The following ZNF599 variants were observed in gnomAD, a reference collection of about 807,000 sequenced individuals.
The protein encoded by ZNF599 is zinc finger protein 599.
A neutral mutation model predicts 11.7 loss-of-function variants in ZNF599; 10 were observed. The observed-to-expected ratio is 0.86, with a 90% CI of 0.53 to 1.45. The LOEUF (loss-of-function observed/expected upper bound fraction) is 1.45, where lower values mean the gene tolerates loss of function less well. Among genes scored for constraint, ZNF599 ranks in the 40% most tolerant of loss-of-function variants. ZNF599 has a pLI of 0.00. For synonymous variants in ZNF599, 232 were observed against 253.2 expected, an observed-to-expected ratio of 0.92 and a Z score of 0.79; for missense variants, 688 against 713.6, an observed-to-expected ratio of 0.96 and a Z score of 0.41.
At chr19:34,765,434 A>G (rs1355917203) in intron 3 of ZNF599, 1 of 628,914 alleles carries the variant, frequency 1.6e-6, no homozygotes, top group African/African-American at 1.8e-5. Flanking sequence ...GCCTGAGAGG[A>G]CCCAGCTAAG....
At chr19:34,787,219 TATCATCATCATCATCATCATCATC>T in the ZNF599 span, among the ~76,000 whole-genome samples, 2 of 148,532 alleles carry the variant, frequency 1.3e-5, no homozygotes, top group African/African-American at 2.5e-5. Context: ...CGGCTATTTT[TATCATCATCATCATCATCATCATC>T]ATCATCATCA....
chr19:34,776,208 G>A (rs925440762), upstream of ZNF599, among the ~76,000 whole-genome samples: 2 of 152,164 alleles, frequency 1.3e-5, no homozygotes, highest in Admixed American at 6.5e-5. Flanking sequence ...AAATGTAAAT[G>A]TAACTTTAAT....
At chr19:34,779,629 G>A in the ZNF599 span, 5 of 346,406 alleles carry the variant, frequency 1.4e-5, no homozygotes, top group Non-Finnish European at 2.3e-5. Flanking sequence ...CTTAGGAGAT[G>A]CACTCATAAG....
rs755990170 is a variant in ZNF599 at position 34,760,357 on chromosome 19, C to T, written c.444G>A (p.Glu148=). The part of the protein sequence containing the change: ...GTNPHKEICP[E]KLSYKHDDLE... The stretch of plus-strand genomic sequence containing the variant: ...AATCATCATGTTTATAACTCAACTT[C>T]TCAGGGCATATCTCTTTGTGGGGGT... The change falls in exon 4 of 4, where the codon GAG becomes GAA. Residue 148 remains glutamate, a synonymous_variant. Transcript: ENST00000329285. 12 of 1,614,056 alleles carry T rather than the reference C, an allele frequency of 7.4e-6. No individual in the cohort carries two copies. The South Asian group carries it at 1.2e-4, about 16-fold the overall frequency.
Position 34,759,778 on chromosome 19 carries a change from G to A in ZNF599, c.1023C>T (p.Cys341=), listed in dbSNP as rs146331204. The A allele has an allele frequency of 3.8e-5, 61 of 1,613,930 alleles. No homozygotes were observed. The Admixed American group carries it at 5.0e-4, about 13-fold the overall frequency. ...GCGTGAAGGCCTTTCCACATTCACC[G>A]CACTCATAGAGTTTCTTTCCAGTAT... The part of the protein sequence containing the change: ...RIHTGKKLYE[C]GECGKAFTHR... Residue 341 remains cysteine (C), a synonymous_variant, in exon 4 of 4, where the codon TGC becomes TGT. Transcript: ENST00000329285.
intron 3 of ZNF599, among the ~76,000 whole-genome samples, chr19:34,766,389 C>T (rs568197097): frequency 2.0e-5 from 3 of 152,234 alleles, no homozygotes; most frequent in Admixed American, 6.5e-5. Context: ...ATGGATGGAT[C>T]AATAAATGAC....
chr19:34,797,660 G>A, the ZNF599 span, among the ~76,000 whole-genome samples: 8 of 152,210 alleles, frequency 5.3e-5, no homozygotes, highest in Non-Finnish European at 2.9e-5. Flanking sequence ...ACAGTATACA[G>A]AGATAAGAAT....
At chr19:34,786,252 A>G in the ZNF599 span, among the ~76,000 whole-genome samples, 1 of 151,828 alleles carries the variant, frequency 6.6e-6, no homozygotes, top group African/African-American at 2.4e-5. Flanking sequence ...ATCCCCCCTT[A>G]CCTCTGACAT....
chr19:34,759,082 G>A lies in ZNF599; in HGVS notation c.1719C>T (p.Ser573=), dbSNP rs146790551. The A allele has an allele frequency of 1.3e-4, 206 of 1,613,962 alleles. No individual in the cohort carries two copies. The highest frequency in any genetic ancestry group is 1.1e-4 in the East Asian group (5 of 44,872). The change falls in exon 4 of 4, where the codon AGC becomes AGT. Residue 573 remains serine (S), a synonymous_variant. Transcript: ENST00000329285. ...FECNECGKTF[S]HSSSFTHHRK... ...GATGGTGAGTGAACGATGAACTGTG[G>A]CTGAAGGTCTTTCCACATTCATTGC...
At chr19:34,772,382 C>G in intron 1 of ZNF599, 3 of 1,000,796 alleles carry the variant, frequency 3.0e-6, no homozygotes, top group Non-Finnish European at 3.6e-6. Flanking sequence ...TTTGGTAGGG[C>G]CAGACTTCCG....
intron 1 of ZNF599, 44 bp downstream of exon 1, chr19:34,772,780 G>A (rs1600160762): frequency 2.0e-6 from 3 of 1,535,254 alleles, no homozygotes; most frequent in Non-Finnish European, 2.6e-6. Flanking sequence ...GGTGCATGCG[G>A]GCGGTGACCC....
At position 34,758,792 on chromosome 19, in the gene ZNF599, G is replaced by T. The variant is rs2069087681; in HGVS notation, c.*242C>A. On this transcript the variant is annotated 3_prime_UTR_variant, in exon 4 of 4. Coordinates refer to ENST00000329285, the MANE Select transcript of ZNF599 (RefSeq NM_001007248.3). Reference sequence around the variant, plus strand: ...GGTCTCTCCCCTCGATTATTCTCAGGTACAGTGTAAGGCTCTAAACTGGGT... The same window carrying T: ...GGTCTCTCCCCTCGATTATTCTCAGTTACAGTGTAAGGCTCTAAACTGGGT... The T allele has an allele frequency of 4.8e-6, 2 of 419,698 alleles. No homozygotes were observed. Among genetic ancestry groups the T allele is most frequent in the Non-Finnish European group, 8.4e-6 (2 of 237,796 alleles). The allele number at this position is 419,698 out of a possible 1,614,324, so 26.0% of individuals were successfully genotyped here.
chr19:34,766,580 G>A (rs756758346), intron 3 of ZNF599, among the ~76,000 whole-genome samples: 2 of 152,256 alleles, frequency 1.3e-5, no homozygotes, highest in African/African-American at 2.4e-5. Context: ...GGGTCAGGCA[G>A]TGTGCTAGGC....
At chr19:34,807,587 G>T in the ZNF599 span, among the ~76,000 whole-genome samples, 14 of 152,178 alleles carry the variant, frequency 9.2e-5, no homozygotes, top group African/African-American at 3.1e-4. Context: ...CAAAATGACC[G>T]CCACAAAGTG....
At chr19:34,772,495 A>T in intron 1 of ZNF599, 1 of 1,223,560 alleles carries the variant, frequency 8.2e-7, no homozygotes, top group African/African-American at 1.6e-5. Context: ...GACCCACGTC[A>T]CAAGCGTACC....
chr19:34,770,003 T>C (rs1352617430), intron 1 of ZNF599, among the ~76,000 whole-genome samples: 9 of 152,242 alleles, frequency 5.9e-5, no homozygotes, highest in African/African-American at 1.9e-4. Context: ...TGAACCAACC[T>C]GCCAGATGTG....
chr19:34,763,617 C>T (rs1407495607), intron 3 of ZNF599: 2 of 152,190 alleles, frequency 1.3e-5, no homozygotes, highest in African/African-American at 4.8e-5. Context: ...GACTTGCGGC[C>T]TCTAGACCTG....
chr19:34,800,028 A>G, the ZNF599 span, among the ~76,000 whole-genome samples: 2 of 152,164 alleles, frequency 1.3e-5, no homozygotes, highest in African/African-American at 4.8e-5. Context: ...ATATTCCCGA[A>G]TGACATATGA....
At chr19:34,767,473 G>A (rs970478055) in intron 2 of ZNF599, 62 bp from the exon 3 acceptor site, 9 of 1,301,886 alleles carry the variant, frequency 6.9e-6, no homozygotes, top group Non-Finnish European at 9.9e-6. Context: ...AAAGTCTGAG[G>A]TGTAAAGGAG....
Sources: gnomAD v4.1 joint callset for allele counts (sites outside exome capture counted in the v4.1 genomes callset) on GRCh38, gnomAD v4.1.1 for gene constraint, MANE v1.5 for transcripts, NCBI Gene and HGNC (gene_info 2026-07-23, HGNC 2026-07-21) for gene names.